Variants in TNN observed in about 807,000 individuals in gnomAD.
The protein encoded by TNN is tenascin N.
In TNN, 122 loss-of-function variants were observed where a neutral mutation model predicts 134.4. That is an observed-to-expected ratio of 0.91 (90% CI 0.78 to 1.06). TNN has a LOEUF of 1.06. Ranked by LOEUF, TNN falls within the 50% of genes least tolerant of loss-of-function variation. The pLI, the probability that TNN is intolerant of heterozygous loss-of-function variation, is 0.00. For missense variants in TNN, 1,739 were observed against 1,699.4 expected (o/e 1.02, Z -0.41); for synonymous variants, 710 against 670.3 (o/e 1.06, Z -0.91).
chr1:175,135,919 C>T lies in TNN; in HGVS notation c.3405C>T (p.Asp1135=). The change falls in exon 16 of 19, where the codon GAC becomes GAT. Residue 1135 remains aspartate, a synonymous_variant. Transcript: ENST00000239462. The part of the protein sequence containing the change: ...RWRSYVEGFG[D]PMKEFWLGLD... ...GGAGCTATGTGGAAGGCTTTGGGGA[C>T]CCCATGAAGGAGTTCTGGCTTGGTA... is the stretch of plus-strand genomic sequence containing the variant. The T allele has an allele frequency of 2.5e-6, 4 of 1,613,266 alleles. No individual in the cohort carries two copies. Among genetic ancestry groups the T allele is most frequent in the Non-Finnish European group, 3.4e-6 (4 of 1,179,426 alleles).
Position 175,137,043 on chromosome 1 carries a change from A to G in TNN, c.3595+55A>G, listed in dbSNP as rs967645838. On this transcript the variant is annotated intron_variant, in intron 17 of 18. Coordinates refer to ENST00000239462, the MANE Select transcript of TNN (RefSeq NM_022093.2). ...GTCTCTTGCTGTCTGTTGTGTAAGG[A>G]TTGGTTTGCCGTGTGCCACTGATCT... 6 of 1,583,896 alleles carry G rather than the reference A, an allele frequency of 3.8e-6. No homozygotes were observed. The African/African-American group carries it at 8.1e-5, about 21-fold the overall frequency.
chr1:175,085,058 A>G (rs535694326), intron 5 of TNN, among the ~76,000 whole-genome samples: 1 of 152,326 alleles, frequency 6.6e-6, no homozygotes, highest in Non-Finnish European at 1.5e-5. Flanking sequence ...TTTGGAAGGA[A>G]AAGGGTTGCT....
At chr1:175,117,235 G>A (rs750950466) in intron 10 of TNN, 30 bp downstream of exon 10, 1 of 1,606,102 alleles carries the variant, frequency 6.2e-7, no homozygotes, top group East Asian at 2.2e-5. Flanking sequence ...GGGAATATAA[G>A]AGCTTTCATG....
chr1:175,141,712 G>A (rs901222885), intron 17 of TNN, among the ~76,000 whole-genome samples: 1 of 152,162 alleles, frequency 6.6e-6, no homozygotes, highest in African/African-American at 2.4e-5. Context: ...GAATCCTAGA[G>A]GGGGAGAGTG....
At position 175,079,509 on chromosome 1, in the gene TNN, G is replaced by A. The variant is rs773238045; in HGVS notation, c.586G>A (p.Asp196Asn). 7.7e-6 allele frequency: 12 copies of A among 1,562,138 alleles called. No homozygotes were observed. In the South Asian group the frequency reaches 9.3e-5, roughly 12 times the overall value. Residue 196 changes from aspartate to asparagine, a missense_variant, in exon 3 of 19, where the codon GAC becomes AAC. Physicochemically the swap from Asp to Asn is conservative, Grantham distance 23. Transcript: ENST00000239462. ...CLCHEPYVGA[D>N]CGYPACPENC... Reference sequence around the variant, plus strand: ...GTGCCATGAGCCCTACGTGGGTGCCGACTGCGGCTACCCGGCCTGCCCTGA... The same window carrying A: ...GTGCCATGAGCCCTACGTGGGTGCCAACTGCGGCTACCCGGCCTGCCCTGA...
chr1:175,139,532 C>A (rs966265458), intron 17 of TNN, among the ~76,000 whole-genome samples: 1 of 152,294 alleles, frequency 6.6e-6, no homozygotes, highest in South Asian at 2.1e-4. Flanking sequence ...AGCAATAGCA[C>A]ACATGGAGCT....
Position 175,117,345 on chromosome 1 carries a change from A to G in TNN, c.2386+140A>G, listed in dbSNP as rs1033111434. On this transcript the variant is annotated intron_variant, in intron 10 of 18. Transcript: ENST00000239462. ...ATGGCATCCCTTCATAACAGATTGC[A>G]CACACCATCCCTCATTTTCCTTTAA... The G allele has an allele frequency of 4.0e-5, 56 of 1,395,988 alleles. No individual in the cohort carries two copies. The Admixed American group carries it at 1.4e-3, about 35-fold the overall frequency. 86.5% of individuals were successfully genotyped at this position (1,395,988 alleles called of 1,614,324 possible).
chr1:175,108,374 C>A (rs577565022), intron 9 of TNN, among the ~76,000 whole-genome samples: 24 of 152,372 alleles, frequency 1.6e-4, no homozygotes, highest in African/African-American at 5.8e-4. Flanking sequence ...CCCCACCAGA[C>A]CAGGAGCCCA....
At chr1:175,130,774 C>A (rs1675656739) in intron 15 of TNN, among the ~76,000 whole-genome samples, 1 of 152,142 alleles carries the variant, frequency 6.6e-6, no homozygotes, top group Non-Finnish European at 1.5e-5. Flanking sequence ...GAAATCCCTG[C>A]CCCCAAGGAG....
chr1:175,130,866 A>T (rs1485235785), intron 15 of TNN, among the ~76,000 whole-genome samples: 1 of 152,014 alleles, frequency 6.6e-6, no homozygotes, highest in Non-Finnish European at 1.5e-5. Flanking sequence ...ACCACTGTGC[A>T]TTCTCACCCT....
rs146206238 is a variant in TNN at position 175,085,538 on chromosome 1, C to T, written c.1324+44C>T. On this transcript the variant is annotated intron_variant, in intron 6 of 18. Coordinates refer to ENST00000239462, the MANE Select transcript of TNN (RefSeq NM_022093.2). Reference sequence around the variant, plus strand: ...CACTATGGGCATTTAATCATGTTTGCATTCTCATATTTTTCTTGGCTGACT... The same window carrying T: ...CACTATGGGCATTTAATCATGTTTGTATTCTCATATTTTTCTTGGCTGACT... The T allele has an allele frequency of 1.9e-5, 25 of 1,336,302 alleles. No homozygotes were observed. The African/African-American group carries it at 3.6e-4, about 19-fold the overall frequency. The allele number at this position is 1,336,302 out of a possible 1,614,324, so 82.8% of individuals were successfully genotyped here.
In TNN at chr1:175,112,674, G is replaced by T. The variant is rs1159658759; in HGVS notation, c.2120-4265G>T. Among the ~76,000 whole-genome samples, 4 of 127,320 alleles carry T rather than the reference G, an allele frequency of 3.1e-5. No individual in the cohort carries two copies. The Admixed American group carries it at 3.9e-4, about 12-fold the overall frequency. 83.5% of individuals were successfully genotyped at this position (127,320 alleles called of 152,430 possible). On this transcript the variant is annotated intron_variant, in intron 9 of 18. Coordinates refer to ENST00000239462, the MANE Select transcript of TNN (RefSeq NM_022093.2). ...ACTCTGTTGTCCAGGCTGGAATGCAGTGGTGTAATCTCGGCTCACTGCAAC... is the reference window on the plus strand; with the variant it reads ...ACTCTGTTGTCCAGGCTGGAATGCATTGGTGTAATCTCGGCTCACTGCAAC...
intron 17 of TNN, among the ~76,000 whole-genome samples, chr1:175,138,535 C>T (rs994964500): frequency 6.6e-6 from 1 of 152,076 alleles, no homozygotes; most frequent in Non-Finnish European, 1.5e-5. Context: ...CACGGGGAAA[C>T]TGTTCCAGGA....
intron 10 of TNN, 36 bp from the exon 11 acceptor site, chr1:175,118,525 T>A: frequency 1.9e-6 from 3 of 1,611,140 alleles, no homozygotes; most frequent in Non-Finnish European, 2.5e-6. Flanking sequence ...CTGGCACCTG[T>A]TCATAGTGCA....
rs1430767175 is a variant in TNN, at chr1:175,079,417, C to T, written c.494C>T (p.Ala165Val). Reference protein sequence around the residue: ...CHCEEGREGPACERLACPGAC... With the variant: ...CHCEEGREGPVCERLACPGAC... ...TGCGAAGAGGGCAGGGAGGGCCCCG[C>T]CTGCGAGCGGCTGGCCTGCCCCGGG... Residue 165 changes from alanine (A) to valine (V), a missense_variant, in exon 3 of 19, where the codon GCC becomes GTC. Ala to Val is a moderately conservative substitution (Grantham distance 64, BLOSUM62 0). Transcript: ENST00000239462. 1.9e-6 allele frequency: 3 copies of T among 1,590,054 alleles called. No homozygotes were observed. The highest frequency in any genetic ancestry group is 1.1e-5 in the South Asian group (1 of 89,060).
chr1:175,120,003 A>C (rs1347802550), intron 11 of TNN, among the ~76,000 whole-genome samples: 1 of 152,182 alleles, frequency 6.6e-6, no homozygotes, highest in African/African-American at 2.4e-5. Context: ...CAGCTATAGG[A>C]AATAATGTAA....
At chr1:175,146,748 C>G (rs543814992) in intron 18 of TNN, among the ~76,000 whole-genome samples, 183 bp from the exon 19 acceptor site, 1 of 152,086 alleles carries the variant, frequency 6.6e-6, no homozygotes, top group Admixed American at 6.5e-5. Flanking sequence ...CAGCAGAGGG[C>G]GCGTGTGTCC....
chr1:175,106,918 G>A lies in TNN; in HGVS notation c.2119+8323G>A, dbSNP rs542188418. Among the ~76,000 whole-genome samples the A allele has an allele frequency of 1.4e-4, 21 of 145,888 alleles. 2 individuals are homozygous for A. The highest frequency in any genetic ancestry group is 2.0e-4 in the Non-Finnish European group (13 of 65,704). Reference sequence around the variant, plus strand: ...ACCCGTGTCTTTAGTCCGGCGGCCCGCTAGTCACTTTTAAATGGCTGACAG... The same window carrying A: ...ACCCGTGTCTTTAGTCCGGCGGCCCACTAGTCACTTTTAAATGGCTGACAG... On this transcript the variant is annotated intron_variant, in intron 9 of 18. Transcript: ENST00000239462.
chr1:175,146,805 T>C (rs1467685541), intron 18 of TNN, 126 bp from the exon 19 acceptor site: 9 of 942,560 alleles, frequency 9.5e-6, no homozygotes, highest in Non-Finnish European at 1.3e-5. Flanking sequence ...TCTTTCTCTC[T>C]CCTGAGCAGA....
Sources: allele counts gnomAD v4.1 joint callset (sites outside exome capture counted in the v4.1 genomes callset), GRCh38; gene constraint gnomAD v4.1.1; transcripts MANE v1.5; gene names NCBI Gene and HGNC (gene_info 2026-07-23, HGNC 2026-07-21).